Variants in OCM2 observed in about 807,000 individuals in gnomAD.
OCM2 encodes the protein oncomodulin-2.
In OCM2, 6 loss-of-function variants were observed where a neutral mutation model predicts 13.6. The observed-to-expected ratio is 0.44, with a 90% CI of 0.24 to 0.87. The LOEUF (loss-of-function observed/expected upper bound fraction) is 0.87. OCM2 is among the 40% of genes least tolerant of loss of function. OCM2 has a pLI of 0.22. For synonymous variants in OCM2, 40 were observed against 50.7 expected, an observed-to-expected ratio of 0.79 and a Z score of 0.90; for missense variants, 118 against 136.8, an observed-to-expected ratio of 0.86 and a Z score of 0.68.
chr7:97,990,018 C>CG, intron 1 of OCM2, 26 bp downstream of exon 1: 1 of 722,992 alleles, frequency 1.4e-6, no homozygotes, highest in Non-Finnish European at 2.4e-6. Flanking sequence ...TGAGGAAATC[C>CG]CACCCCCGCC....
chr7:97,988,533 T>C, exon 2 of OCM2: 1 of 1,614,196 alleles, frequency 6.2e-7, no homozygotes, highest in South Asian at 1.1e-5. Context: ...TTTTTGGGGT[T>C]CAAAAGTGTC....
Position 97,984,773 on chromosome 7 carries a change from C to A in OCM2, c.*185G>T. On this transcript the variant is annotated 3_prime_UTR_variant, in exon 4 of 4. Transcript: ENST00000257627. ...TACAGAAGTTGTCAGGGCATATACCCACCACCAAGAAAGTCATGAGTGACT... is the reference window on the plus strand; with the variant it reads ...TACAGAAGTTGTCAGGGCATATACCAACCACCAAGAAAGTCATGAGTGACT... 4.0e-6 allele frequency: 3 copies of A among 757,442 alleles called. No homozygotes were observed. In the South Asian group the frequency reaches 5.4e-5, roughly 14 times the overall value. The allele number at this position is 757,442 out of a possible 1,614,324, so 46.9% of individuals were successfully genotyped here. A position where few individuals can be genotyped will look rare whatever the true frequency, so the allele number is the denominator to read the frequency against.
chr7:97,987,719 G>C (rs776519909), intron 2 of OCM2, among the ~76,000 whole-genome samples: 2 of 152,040 alleles, frequency 1.3e-5, no homozygotes, highest in Non-Finnish European at 2.9e-5. Flanking sequence ...CAGAGTCTCT[G>C]TCACCCAGGC....
intron 1 of OCM2, 28 bp downstream of exon 1, chr7:97,990,016 T>TGCGGCCCC: frequency 1.8e-6 from 2 of 1,083,838 alleles, no homozygotes; most frequent in South Asian, 1.2e-5. Flanking sequence ...TGTGAGGAAA[T>TGCGGCCCC]CCCACCCCCG....
At chr7:97,985,651 T>C (rs561283611) in intron 3 of OCM2, among the ~76,000 whole-genome samples, 1 of 152,286 alleles carries the variant, frequency 6.6e-6, no homozygotes, top group South Asian at 2.1e-4. Context: ...ACATTTAACT[T>C]TTTGTCTGCA....
chr7:97,984,816 A>G, exon 4 of OCM2: 1 of 1,229,512 alleles, frequency 8.1e-7, no homozygotes, highest in Non-Finnish European at 1.2e-6. Flanking sequence ...GACCTCGCTA[A>G]AACAATGAGC....
chr7:97,988,299 G>A, intron 2 of OCM2, 117 bp downstream of exon 2: 1 of 1,297,894 alleles, frequency 7.7e-7, no homozygotes, highest in Non-Finnish European at 1.1e-6. Flanking sequence ...ATGATGCTTG[G>A]CCGAATGACC....
chr7:97,987,746 G>T (rs1354541255), intron 2 of OCM2, among the ~76,000 whole-genome samples: 1 of 151,968 alleles, frequency 6.6e-6, no homozygotes, highest in Non-Finnish European at 1.5e-5. Context: ...GCAGCTGCAC[G>T]ATCTGGGCTC....
intron 1 of OCM2, among the ~76,000 whole-genome samples, chr7:97,989,378 C>CTTAT (rs1358240592): frequency 5.5e-5 from 7 of 126,994 alleles, no homozygotes; most frequent in Admixed American, 1.8e-4. Flanking sequence ...CAGCCAAGCT[C>CTTAT]TTATTTACTT....
Position 97,984,765 on chromosome 7 carries a change from C to T in OCM2, c.*193G>A, listed in dbSNP as rs545272592. On this transcript the variant is annotated 3_prime_UTR_variant, in exon 4 of 4. Coordinates refer to ENST00000257627, the Ensembl canonical transcript of OCM2. ...GGGGGGCTTACAGAAGTTGTCAGGG[C>T]ATATACCCACCACCAAGAAAGTCAT... The T allele has an allele frequency of 1.3e-4, 86 of 685,558 alleles. 1 individual carries two copies. The South Asian group carries it at 1.5e-3, about 12-fold the overall frequency. 42.5% of individuals were successfully genotyped at this position (685,558 alleles called of 1,614,324 possible). A position where few individuals can be genotyped will look rare whatever the true frequency, so the allele number is the denominator to read the frequency against.
intron 1 of OCM2, 21 bp downstream of exon 1, chr7:97,990,023 C>CCCGCCCCA: frequency 6.7e-7 from 1 of 1,495,562 alleles, no homozygotes; most frequent in Non-Finnish European, 9.3e-7. Flanking sequence ...AAATCCCACC[C>CCCGCCCCA]CCGCCCCACG....
chr7:97,989,335 T>C (rs1239906361), intron 1 of OCM2, among the ~76,000 whole-genome samples: 1 of 152,014 alleles, frequency 6.6e-6, no homozygotes, highest in African/African-American at 2.4e-5. Flanking sequence ...ATCTAATAAA[T>C]AGTAGTTTTC....
At chr7:97,984,945 G>C (rs767819566) in exon 4 of OCM2, 2 of 1,612,480 alleles carry the variant, frequency 1.2e-6, no homozygotes, top group Non-Finnish European at 1.7e-6. Flanking sequence ...CTTTTCTCCA[G>C]AGACTGGGGC....
chr7:97,986,952 G>T, intron 3 of OCM2, 95 bp downstream of exon 3: 3 of 1,567,762 alleles, frequency 1.9e-6, no homozygotes, highest in African/African-American at 1.4e-5. Flanking sequence ...AAGAAAGGGA[G>T]ATTTTAAGCC....
intron 3 of OCM2, among the ~76,000 whole-genome samples, 160 bp from the exon 4 acceptor site, chr7:97,985,143 G>A (rs1450350694): frequency 2.6e-5 from 4 of 152,106 alleles, no homozygotes; most frequent in East Asian, 1.9e-4. Context: ...AAAACTGGCC[G>A]GGCACAGTGG....
chr7:97,989,496 C>T (rs1794709529), intron 1 of OCM2, among the ~76,000 whole-genome samples: 1 of 151,864 alleles, frequency 6.6e-6, no homozygotes, highest in South Asian at 2.1e-4. Flanking sequence ...ACCTCCTGGG[C>T]TTGAGTGATC....
At chr7:97,988,969 T>C (rs539599560) in intron 1 of OCM2, among the ~76,000 whole-genome samples, 1 of 149,794 alleles carries the variant, frequency 6.7e-6, no homozygotes, top group East Asian at 2.0e-4. Flanking sequence ...TCTCACTCTG[T>C]CGCCAGGCTG....
At chr7:97,988,628 G>C in intron 1 of OCM2, 80 bp from the exon 2 acceptor site, 1 of 1,559,154 alleles carries the variant, frequency 6.4e-7, no homozygotes, top group Non-Finnish European at 8.8e-7. Flanking sequence ...AAACACAGAT[G>C]ATTAAAAACA....
At chr7:97,985,431 A>AAAGAG (rs1554366494) in intron 3 of OCM2, among the ~76,000 whole-genome samples, 18 of 131,554 alleles carry the variant, frequency 1.4e-4, no homozygotes, top group Middle Eastern at 4.1e-3. Flanking sequence ...AAAAAAAAAA[A>AAAGAG]AAAGAAAGAA....
Sources: allele counts gnomAD v4.1 joint callset (sites outside exome capture counted in the v4.1 genomes callset), GRCh38; gene constraint gnomAD v4.1.1; transcripts MANE v1.5; gene names NCBI Gene and HGNC (gene_info 2026-07-23, HGNC 2026-07-21).